Variants in KCNAB1 observed in about 807,000 individuals in gnomAD.
KCNAB1 encodes the protein voltage-gated potassium channel subunit beta-1.
KCNAB1 carries 35 observed loss-of-function variants against 64.6 expected under a neutral mutation model. That is an observed-to-expected ratio of 0.54 (90% CI 0.41 to 0.72). The LOEUF (loss-of-function observed/expected upper bound fraction) is 0.72, where lower values mean the gene tolerates loss of function less well. Among genes scored for constraint, KCNAB1 ranks in the 30% least tolerant of loss-of-function variants. The pLI is 0.00. For missense variants in KCNAB1, 401 were observed against 512.9 expected (o/e 0.78, Z 2.11); for synonymous variants, 177 against 183.8 (o/e 0.96, Z 0.30).
At chr3:156,412,922 C>A (rs1002326188) in intron 1 of KCNAB1, among the ~76,000 whole-genome samples, 1 of 152,192 alleles carries the variant, frequency 6.6e-6, no homozygotes, top group Non-Finnish European at 1.5e-5. Flanking sequence ...TGGGGGCTGA[C>A]CCACAGACTG....
intron 1 of KCNAB1, among the ~76,000 whole-genome samples, chr3:156,390,672 T>C (rs1177811529): frequency 6.6e-6 from 1 of 152,046 alleles, no homozygotes; most frequent in Non-Finnish European, 1.5e-5. Context: ...AAGCTCTGCC[T>C]CCTGGGTTCA....
At chr3:156,501,010 G>T (rs758410727) in intron 8 of KCNAB1, among the ~76,000 whole-genome samples, 3 of 152,232 alleles carry the variant, frequency 2.0e-5, no homozygotes, top group Non-Finnish European at 4.4e-5. Flanking sequence ...CCAGGCAAAT[G>T]TCCTGAAGTA....
chr3:156,394,503 C>T (rs1713279844), intron 1 of KCNAB1, among the ~76,000 whole-genome samples: 7 of 152,150 alleles, frequency 4.6e-5, no homozygotes, highest in Admixed American at 4.6e-4. Context: ...CCTCAGCTGA[C>T]TTGTGCAAGG....
chr3:156,316,707 C>A (rs908331891), intron 1 of KCNAB1, among the ~76,000 whole-genome samples: 2 of 152,164 alleles, frequency 1.3e-5, no homozygotes, highest in Middle Eastern at 3.2e-3. Context: ...TGGAAGAGGG[C>A]CCCTGCCAGG....
intron 1 of KCNAB1, among the ~76,000 whole-genome samples, chr3:156,201,423 A>G (rs1714323817): frequency 6.6e-6 from 1 of 152,150 alleles, no homozygotes; most frequent in African/African-American, 2.4e-5. Context: ...CCCACACACA[A>G]CAGTTAATTT....
chr3:156,254,140 A>G (rs1187295670), intron 1 of KCNAB1, among the ~76,000 whole-genome samples: 1 of 152,246 alleles, frequency 6.6e-6, no homozygotes, highest in Non-Finnish European at 1.5e-5. Flanking sequence ...GAGGTTTGAC[A>G]AAGAGTTATG....
At chr3:156,158,532 GT>G (rs1039760662) in intron 1 of KCNAB1, among the ~76,000 whole-genome samples, 5 of 151,714 alleles carry the variant, frequency 3.3e-5, no homozygotes, top group African/African-American at 7.3e-5. Context: ...GATATAACTT[GT>G]TTTTTTTGCA....
chr3:156,504,752 T>G (rs1046385444), intron 8 of KCNAB1, among the ~76,000 whole-genome samples: 13 of 60,388 alleles, frequency 2.2e-4, no homozygotes, highest in African/African-American at 3.6e-4. Context: ...GTTTTTTTTG[T>G]TTTTTTTTTT....
intron 1 of KCNAB1, among the ~76,000 whole-genome samples, chr3:156,147,402 A>G (rs911894917): frequency 3.9e-5 from 6 of 152,234 alleles, no homozygotes; most frequent in African/African-American, 2.4e-5. Context: ...CCCTAATATT[A>G]CTATCATATC....
chr3:156,167,354 G>A (rs1010105724), intron 1 of KCNAB1, among the ~76,000 whole-genome samples: 16 of 152,214 alleles, frequency 1.1e-4, no homozygotes, highest in Middle Eastern at 3.4e-3. Flanking sequence ...GGCATGAGCT[G>A]GTCCCCAAGC....
At chr3:156,212,962 G>A (rs1472768398) in intron 1 of KCNAB1, among the ~76,000 whole-genome samples, 1 of 152,172 alleles carries the variant, frequency 6.6e-6, no homozygotes, top group East Asian at 1.9e-4. Flanking sequence ...AGGCTTTTAA[G>A]GCAATGAGGA....
chr3:156,500,410 A>C (rs1260670235), intron 8 of KCNAB1, among the ~76,000 whole-genome samples: 2 of 152,212 alleles, frequency 1.3e-5, no homozygotes, highest in Non-Finnish European at 2.9e-5. Flanking sequence ...TTGAGTTTTC[A>C]ATAACTTACT....
chr3:156,398,232 C>T (rs1037028999), intron 1 of KCNAB1, among the ~76,000 whole-genome samples: 1 of 151,922 alleles, frequency 6.6e-6, no homozygotes, highest in African/African-American at 2.4e-5. Context: ...TGGGGCCTGT[C>T]GGGGTGGTGG....
chr3:156,219,695 TTTATTA>T lies in KCNAB1; in HGVS notation c.275+98844_275+98849del, dbSNP rs139168632. 6.7e-3 allele frequency among the ~76,000 whole-genome samples: 983 copies of T among 146,752 alleles called. 9 individuals are homozygous for T. Among genetic ancestry groups the T allele is most frequent in the South Asian group, 0.034 (152 of 4,474 alleles). ...AGTCAAAAGCGAAGGAAGGAATCTT[TTTATTA>T]TTATTATTATTATTATTATTATTAT... On this transcript the variant is annotated intron_variant, in intron 1 of 13. Coordinates refer to ENST00000490337, the MANE Select transcript of KCNAB1 (RefSeq NM_172160.3).
intron 1 of KCNAB1, among the ~76,000 whole-genome samples, chr3:156,231,149 C>T (rs1237866856): frequency 6.6e-6 from 1 of 152,148 alleles, no homozygotes; most frequent in African/African-American, 2.4e-5. Context: ...ATTTTGACCA[C>T]AGTTGAGCTG....
Position 156,531,508 on chromosome 3 carries a change from C to T in KCNAB1, c.1170+11C>T. 2 of 1,581,770 alleles carry T rather than the reference C, an allele frequency of 1.3e-6. No individual in the cohort carries two copies. The highest frequency in any genetic ancestry group is 1.7e-6 in the Non-Finnish European group (2 of 1,150,422). On this transcript the variant is annotated intron_variant, in intron 13 of 13. Transcript: ENST00000490337. ...CTTGGTGCCATTCAGGCAAGTACTG[C>T]AGCCCCTTCCAACATCAGGGAATTT...
intron 1 of KCNAB1, among the ~76,000 whole-genome samples, chr3:156,198,636 T>G (rs1241034641): frequency 1.3e-3 from 129 of 95,574 alleles, no homozygotes; most frequent in Non-Finnish European, 2.4e-3. Context: ...TTTTTTTTTT[T>G]GCTTTCCATT....
intron 8 of KCNAB1, among the ~76,000 whole-genome samples, chr3:156,511,011 A>G (rs1465112326): frequency 1.3e-5 from 2 of 152,338 alleles, no homozygotes; most frequent in East Asian, 3.9e-4. Context: ...ATAGACTGGT[A>G]ACTAATAAAT....
intron 1 of KCNAB1, among the ~76,000 whole-genome samples, chr3:156,392,478 T>C (rs1267739706): frequency 1.3e-5 from 2 of 152,348 alleles, no homozygotes; most frequent in East Asian, 3.9e-4. Flanking sequence ...CTGATGCTTA[T>C]GCTTTCTACT....
Sources: gnomAD v4.1 joint callset for allele counts (sites outside exome capture counted in the v4.1 genomes callset) on GRCh38, gnomAD v4.1.1 for gene constraint, MANE v1.5 for transcripts, NCBI Gene and HGNC (gene_info 2026-07-23, HGNC 2026-07-21) for gene names.